ZBTB16: variants seen among roughly 807,000 people sequenced by gnomAD.
ZBTB16 encodes zinc finger and BTB domain containing 16.
In ZBTB16, 8 loss-of-function variants were observed where a neutral mutation model predicts 56.8. The ratio of observed to expected loss-of-function variants is 0.14; its 90% confidence interval spans 0.08 to 0.25. The LOEUF (loss-of-function observed/expected upper bound fraction) is 0.25, where lower values mean the gene tolerates loss of function less well. Ranked by LOEUF, ZBTB16 falls within the 10% of genes least tolerant of loss-of-function variation. The pLI is 1.00. For missense variants in ZBTB16, 625 were observed against 903.0 expected (o/e 0.69, Z 3.95); for synonymous variants, 363 against 368.5 (o/e 0.98, Z 0.17).
intron 2 of ZBTB16, among the ~76,000 whole-genome samples, chr11:114,156,078 A>G (rs1435952335): frequency 1.3e-5 from 2 of 151,838 alleles, no homozygotes; most frequent in African/African-American, 4.8e-5. Context: ...ATTGGATCTG[A>G]TTTTTTTTCT....
intron 4 of ZBTB16, among the ~76,000 whole-genome samples, chr11:114,220,888 C>G (rs372632308): frequency 2.0e-5 from 3 of 152,204 alleles, no homozygotes; most frequent in Non-Finnish European, 4.4e-5. Context: ...ACTTGGGACA[C>G]TCCACAGATA....
intron 2 of ZBTB16, chr11:114,122,029 G>A: frequency 6.5e-6 from 2 of 309,370 alleles, no homozygotes; most frequent in South Asian, 2.5e-5. Flanking sequence ...GAGTTTGCCT[G>A]TTCCAAAAAT....
chr11:114,063,498 T>C lies in ZBTB16; in HGVS notation c.198T>C (p.Asn66=), dbSNP rs1938967018. The part of the protein sequence containing the change: ...SKMFEILFHR[N]SQHYTLDFLS... Reference sequence around the variant, plus strand: ...TGTTTGAGATCCTCTTCCACCGCAATAGTCAACACTATACTTTGGACTTCC... The same window carrying C: ...TGTTTGAGATCCTCTTCCACCGCAACAGTCAACACTATACTTTGGACTTCC... Residue 66 remains asparagine (N), a synonymous_variant, in exon 2 of 7, where the codon AAT becomes AAC. Coordinates refer to ENST00000335953, the MANE Select transcript of ZBTB16 (RefSeq NM_006006.6). The surrounding 1 kb of genome is among the most constrained non-coding windows in gnomAD (Gnocchi z 6.5). 2 of 1,614,080 alleles carry C rather than the reference T, an allele frequency of 1.2e-6. No individual in the cohort carries two copies. The highest frequency in any genetic ancestry group is 1.7e-6 in the Non-Finnish European group (2 of 1,180,046).
At position 114,142,197 on chromosome 11, in the gene ZBTB16, G is replaced by A. The variant is rs60162088; in HGVS notation, c.1269-14140G>A. Among the ~76,000 whole-genome samples the A allele has an allele frequency of 2.9e-3, 440 of 152,284 alleles. 1 individual carries two copies. The highest frequency in any genetic ancestry group is 8.9e-3 in the African/African-American group (370 of 41,562). ...AGGCTTGGCAGGTTCTTGTGGCAGC[G>A]GTGGTTAAGGATTAAGGCATTGTGT... On this transcript the variant is annotated intron_variant, in intron 2 of 6. Coordinates refer to ENST00000335953, the MANE Select transcript of ZBTB16 (RefSeq NM_006006.6).
intron 4 of ZBTB16, among the ~76,000 whole-genome samples, chr11:114,215,280 G>A (rs1156864736): frequency 1.3e-5 from 2 of 152,152 alleles, no homozygotes; most frequent in Non-Finnish European, 2.9e-5. Context: ...TTTAGAAGTT[G>A]GCCTTCTTGC....
rs1944928756 is a variant in ZBTB16, at chr11:114,252,134, G to C, written c.*1579G>C. ...AGAGCGTGGGTGGGGAGGGGATGTT[G>C]CTTTGGGGTCTCATGGTCCCCAGAG... is the stretch of plus-strand genomic sequence containing the variant. On this transcript the variant is annotated 3_prime_UTR_variant, in exon 7 of 7. Transcript: ENST00000335953. Among the ~76,000 whole-genome samples, 1 of 152,062 alleles carries C rather than the reference G, an allele frequency of 6.6e-6. No homozygotes were observed. Among genetic ancestry groups the C allele is most frequent in the Non-Finnish European group, 1.5e-5 (1 of 67,994 alleles).
intron 2 of ZBTB16, among the ~76,000 whole-genome samples, chr11:114,074,395 G>T: frequency 6.6e-6 from 1 of 152,208 alleles, no homozygotes. Flanking sequence ...TAATTTGGGG[G>T]AGCTTTTTAT....
At chr11:114,105,989 A>G (rs1436375658) in intron 2 of ZBTB16, among the ~76,000 whole-genome samples, 1 of 152,250 alleles carries the variant, frequency 6.6e-6, no homozygotes. Context: ...TGCAATTTCA[A>G]AAACACTAAT....
chr11:114,208,636 G>T (rs376629913), intron 4 of ZBTB16, among the ~76,000 whole-genome samples: 1 of 152,162 alleles, frequency 6.6e-6, no homozygotes, highest in South Asian at 2.1e-4. Flanking sequence ...TGTGCCCTCT[G>T]CACAGCCTCC....
intron 6 of ZBTB16, among the ~76,000 whole-genome samples, chr11:114,249,771 C>CAAAAAAA (rs55732116): frequency 7.3e-4 from 43 of 59,300 alleles, no homozygotes; most frequent in African/African-American, 1.8e-3. Context: ...GACTCCGTCT[C>CAAAAAAA]AAAAAAAAAA....
At chr11:114,120,679 G>T (rs577090091) in intron 2 of ZBTB16, among the ~76,000 whole-genome samples, 1 of 152,272 alleles carries the variant, frequency 6.6e-6, no homozygotes, top group South Asian at 2.1e-4. Context: ...GCGTGTCTTC[G>T]GATGCTGTAT....
chr11:114,164,721 G>A (rs540548359), intron 3 of ZBTB16, among the ~76,000 whole-genome samples: 2 of 152,216 alleles, frequency 1.3e-5, no homozygotes, highest in East Asian at 3.9e-4. Flanking sequence ...AACCAGGCTG[G>A]GCCTGGGTAT....
intron 2 of ZBTB16, among the ~76,000 whole-genome samples, chr11:114,140,693 G>A (rs189980199): frequency 2.0e-4 from 31 of 152,282 alleles, no homozygotes; most frequent in African/African-American, 7.5e-4. Context: ...CTCTTACTCC[G>A]TGGAGTCACT....
chr11:114,106,077 C>T (rs545136584), intron 2 of ZBTB16, among the ~76,000 whole-genome samples: 3 of 152,298 alleles, frequency 2.0e-5, no homozygotes, highest in African/African-American at 7.2e-5. Flanking sequence ...TTCCTCTCCC[C>T]GCGTTCACCC....
chr11:114,093,340 A>T (rs112083499), intron 2 of ZBTB16, among the ~76,000 whole-genome samples: 8 of 151,188 alleles, frequency 5.3e-5, no homozygotes, highest in African/African-American at 1.9e-4. Flanking sequence ...GGGGGTGTGG[A>T]GGGGGGATGT....
chr11:114,063,695 A>C lies in ZBTB16; in HGVS notation c.395A>C (p.Asp132Ala). 6.2e-7 allele frequency: 1 copy of C among 1,614,086 alleles called. No homozygotes were observed. The highest frequency in any genetic ancestry group is 1.1e-5 in the South Asian group (1 of 91,090). Residue 132 changes from aspartate (D) to alanine (A), a missense_variant, in exon 2 of 7, where the codon GAC becomes GCC. Asp to Ala is a moderately radical substitution (Grantham distance 126, BLOSUM62 -2). This residue lies in a region of ZBTB16 where 384 missense variants were observed against 393.5 expected (regional missense o/e 0.98). Transcript: ENST00000335953. The surrounding 1 kb of genome is among the most constrained non-coding windows in gnomAD (Gnocchi z 6.5). ...LETIQASDDN[D>A]TEATMADGGA... is the part of the protein sequence containing the mutation. ...ACCATCCAGGCCTCAGACGACAATG[A>C]CACGGAGGCCACCATGGCCGATGGC...
intron 4 of ZBTB16, among the ~76,000 whole-genome samples, chr11:114,225,740 C>G (rs35512149): frequency 6.6e-6 from 1 of 152,156 alleles, no homozygotes; most frequent in Non-Finnish European, 1.5e-5. Flanking sequence ...ATAGAAGTAC[C>G]TAAGTTAAAA....
In ZBTB16 at chr11:114,063,843, G is replaced by A. The variant is rs1178763922; in HGVS notation, c.543G>A (p.Val181=). ...GACAGAGCCTCCCTGGGCCCATGGT[G>A]GACCAGAGCCCTTCAGTCTCCACTT... ...VAGQSLPGPM[V]DQSPSVSTSF... The change falls in exon 2 of 7, where the codon GTG becomes GTA. Residue 181 remains valine (V), a synonymous_variant. Transcript: ENST00000335953. This position sits in a 1 kb window ranked among gnomAD's most constrained non-coding sequence, Gnocchi z 6.5. The A allele has an allele frequency of 6.2e-7, 1 of 1,614,166 alleles. No individual in the cohort carries two copies. Among genetic ancestry groups the A allele is most frequent in the South Asian group, 1.1e-5 (1 of 91,090 alleles).
At chr11:114,162,463 T>C (rs1365743762) in intron 3 of ZBTB16, among the ~76,000 whole-genome samples, 2 of 152,192 alleles carry the variant, frequency 1.3e-5, no homozygotes, top group Non-Finnish European at 2.9e-5. Flanking sequence ...AGTCCAAAGA[T>C]GGCTTCCCCT....
Sources: gnomAD v4.1 joint callset for allele counts (sites outside exome capture counted in the v4.1 genomes callset) on GRCh38, gnomAD v4.1.1 for gene constraint, gnomAD v4.1.1 regional missense constraint, Gnocchi (gnomAD v3.1) non-coding constraint, MANE v1.5 for transcripts, NCBI Gene and HGNC (gene_info 2026-07-23, HGNC 2026-07-21) for gene names.